The following DYNC1I1 variants were observed in gnomAD, a reference collection of about 807,000 sequenced individuals.
DYNC1I1 encodes the protein dynein cytoplasmic 1 intermediate chain 1.
A neutral mutation model predicts 86.6 loss-of-function variants in DYNC1I1; 43 were observed. That is an observed-to-expected ratio of 0.50 (90% CI 0.39 to 0.64). The LOEUF is 0.64. Among genes scored for constraint, DYNC1I1 ranks in the 30% least tolerant of loss-of-function variants. DYNC1I1 has a pLI of 0.00. For missense variants in DYNC1I1, 604 were observed against 788.8 expected (o/e 0.77, Z 2.81); for synonymous variants, 262 against 283.7 (o/e 0.92, Z 0.77).
intron 16 of DYNC1I1, among the ~76,000 whole-genome samples, chr7:96,107,845 G>T (rs1407652473): frequency 6.7e-6 from 1 of 149,750 alleles, no homozygotes; most frequent in East Asian, 1.9e-4. Flanking sequence ...TTTGAGGAAC[G>T]GTTTTATCAG....
At chr7:95,964,771 A>C (rs1678564701) in intron 6 of DYNC1I1, among the ~76,000 whole-genome samples, 1 of 152,208 alleles carries the variant, frequency 6.6e-6, no homozygotes, top group African/African-American at 2.4e-5. Context: ...ATGTTGCTAT[A>C]TTAACTGGGG....
At chr7:95,971,775 C>T (rs1000277762) in intron 6 of DYNC1I1, among the ~76,000 whole-genome samples, 2 of 152,130 alleles carry the variant, frequency 1.3e-5, no homozygotes, top group Non-Finnish European at 2.9e-5. Flanking sequence ...CAGTCATTGG[C>T]CCATTCAATT....
chr7:95,821,137 G>A (rs1429638671), intron 4 of DYNC1I1, among the ~76,000 whole-genome samples: 3 of 152,180 alleles, frequency 2.0e-5, no homozygotes, highest in Non-Finnish European at 4.4e-5. Context: ...GCCAGGTAAA[G>A]AATATTCATT....
At chr7:95,950,987 G>C (rs530991453) in intron 6 of DYNC1I1, among the ~76,000 whole-genome samples, 3 of 152,270 alleles carry the variant, frequency 2.0e-5, no homozygotes, top group African/African-American at 7.2e-5. Context: ...ACTTCAAAAT[G>C]AAATTGTCTG....
chr7:95,855,028 A>T (rs1416626299), intron 5 of DYNC1I1, among the ~76,000 whole-genome samples: 1 of 152,172 alleles, frequency 6.6e-6, no homozygotes, highest in Non-Finnish European at 1.5e-5. Context: ...CAGAACTTAA[A>T]ATATATAAGG....
chr7:96,067,570 C>A (rs1201619089), intron 14 of DYNC1I1, among the ~76,000 whole-genome samples: 3 of 151,748 alleles, frequency 2.0e-5, no homozygotes, highest in African/African-American at 7.3e-5. Context: ...TACTTCCTGT[C>A]CTTTTACCTC....
chr7:95,950,439 C>A (rs1407290653), intron 6 of DYNC1I1, among the ~76,000 whole-genome samples: 3 of 152,022 alleles, frequency 2.0e-5, no homozygotes, highest in Non-Finnish European at 4.4e-5. Context: ...CCTCTTTAGA[C>A]CAAAAATGGG....
chr7:95,886,804 G>A (rs1790605072), intron 6 of DYNC1I1, among the ~76,000 whole-genome samples: 1 of 152,210 alleles, frequency 6.6e-6, no homozygotes, highest in Admixed American at 6.5e-5. Context: ...ACATATGAAA[G>A]GAGCAGCAGT....
Position 95,931,206 on chromosome 7 carries a change from C to T in DYNC1I1, c.491-46306C>T, listed in dbSNP as rs140119968. ...TGTAGCCCAGGCTGGAGTGCAGTGG[C>T]GCAATCTCGGCTCACTGCAACTTCC... On this transcript the variant is annotated intron_variant, in intron 6 of 16. Coordinates refer to ENST00000447467, the MANE Select transcript of DYNC1I1 (RefSeq NM_001135556.2). Among the ~76,000 whole-genome samples the T allele has an allele frequency of 1.1e-3, 161 of 151,326 alleles. 1 individual carries two copies. The highest frequency in any genetic ancestry group is 3.4e-3 in the African/African-American group (139 of 41,178).
chr7:95,799,708 A>G (rs1394459632), intron 1 of DYNC1I1, among the ~76,000 whole-genome samples: 1 of 151,766 alleles, frequency 6.6e-6, no homozygotes, highest in Non-Finnish European at 1.5e-5. Context: ...TTAGATAGAG[A>G]AGCTCCTACT....
At chr7:95,828,609 T>TA (rs146335454) in intron 5 of DYNC1I1, among the ~76,000 whole-genome samples, 3,496 of 152,028 alleles carry the variant, frequency 0.023, 66 homozygotes, top group Non-Finnish European at 0.029. Context: ...GATTCCTGTT[T>TA]AAAAAAAACC....
In DYNC1I1 at chr7:95,904,364, C is replaced by T. The variant is rs374423444; in HGVS notation, c.490+34366C>T. 1.2e-4 allele frequency among the ~76,000 whole-genome samples: 19 copies of T among 152,090 alleles called. No homozygotes were observed. The East Asian group carries it at 3.7e-3, about 30-fold the overall frequency. On this transcript the variant is annotated intron_variant, in intron 6 of 16. Transcript: ENST00000447467. ...GGCTGATGGACAGAAGGAGATGCAC[C>T]CTAGTAAGCCATAAGTGATATGCTT...
chr7:95,773,164 A>AGGAGGGGGAAAGCTGCAGAG (rs1793750396), intron 1 of DYNC1I1, among the ~76,000 whole-genome samples: 1 of 152,138 alleles, frequency 6.6e-6, no homozygotes, highest in Non-Finnish European at 1.5e-5. Flanking sequence ...CTGCCCCTGG[A>AGGAGGGGGAAAGCTGCAGAG]GGAGGGGGAA....
At chr7:95,825,131 G>C (rs1795176610) in intron 4 of DYNC1I1, among the ~76,000 whole-genome samples, 1 of 152,232 alleles carries the variant, frequency 6.6e-6, no homozygotes, top group African/African-American at 2.4e-5. Flanking sequence ...AGGCAAGGCT[G>C]TTGTGGTGTT....
intron 6 of DYNC1I1, among the ~76,000 whole-genome samples, chr7:95,974,674 G>A (rs1793258667): frequency 6.6e-6 from 1 of 152,162 alleles, no homozygotes; most frequent in South Asian, 2.1e-4. Flanking sequence ...TGCCGGCCAG[G>A]TCTCAAAGCA....
At chr7:95,823,700 C>A (rs148146699) in intron 4 of DYNC1I1, among the ~76,000 whole-genome samples, 4 of 151,930 alleles carry the variant, frequency 2.6e-5, no homozygotes, top group African/African-American at 7.2e-5. Context: ...TCCCAGGAAG[C>A]GGGGCTTCAA....
chr7:95,952,227 C>T (rs1218420672), intron 6 of DYNC1I1, among the ~76,000 whole-genome samples: 2 of 152,078 alleles, frequency 1.3e-5, no homozygotes, highest in Non-Finnish European at 2.9e-5. Flanking sequence ...CCCCAGATTA[C>T]CCATTCATCC....
At chr7:96,075,950 G>C in intron 14 of DYNC1I1, 107 bp from the exon 15 acceptor site, 1 of 1,458,396 alleles carries the variant, frequency 6.9e-7, no homozygotes, top group Non-Finnish European at 9.2e-7. Context: ...TTCATCTCGG[G>C]AAGTTTTATG....
At chr7:96,025,291 A>T (rs115184881) in intron 10 of DYNC1I1, among the ~76,000 whole-genome samples, 6 of 152,290 alleles carry the variant, frequency 3.9e-5, no homozygotes, top group African/African-American at 1.4e-4. Flanking sequence ...ATATGTAAAT[A>T]TATCTGTATT....
Sources: gnomAD v4.1 joint callset for allele counts (sites outside exome capture counted in the v4.1 genomes callset) on GRCh38, gnomAD v4.1.1 for gene constraint, MANE v1.5 for transcripts, NCBI Gene and HGNC (gene_info 2026-07-23, HGNC 2026-07-21) for gene names.